The following CLNK variants were observed in gnomAD, a reference collection of about 807,000 sequenced individuals.
The protein encoded by CLNK is cytokine-dependent hematopoietic cell linker.
CLNK carries 74 observed loss-of-function variants against 68.6 expected under a neutral mutation model. The observed-to-expected ratio is 1.08, with a 90% CI of 0.89 to 1.31. The LOEUF (loss-of-function observed/expected upper bound fraction) is 1.31, where lower values mean the gene tolerates loss of function less well. CLNK is among the 50% of genes most tolerant of loss of function. The pLI is 0.00. For synonymous variants in CLNK, 198 were observed against 172.2 expected, an observed-to-expected ratio of 1.15 and a Z score of -1.17; for missense variants, 553 against 515.3, an observed-to-expected ratio of 1.07 and a Z score of -0.71.
At chr4:10,655,291 A>G (rs1334637245) in intron 2 of CLNK, among the ~76,000 whole-genome samples, 1 of 151,050 alleles carries the variant, frequency 6.6e-6, no homozygotes, top group Non-Finnish European at 1.5e-5. Context: ...CTTCTAAGTT[A>G]TCTGTAGATT....
In CLNK at chr4:10,487,614, T is replaced by C. The variant is rs1716395376; in HGVS notation, c.*2853A>G. On this transcript the variant is annotated 3_prime_UTR_variant, in exon 19 of 19. Transcript: ENST00000226951. ...GCGCCTTCTGGATTGGCCACAGCAT[T>C]TGCAGGTCTTTTTTTTTTGTTGTTT... The C allele has an allele frequency of 6.6e-6, 1 of 152,154 alleles. No individual in the cohort carries two copies. Among genetic ancestry groups the C allele is most frequent in the South Asian group, 2.1e-4 (1 of 4,822 alleles). 9.4% of individuals were successfully genotyped at this position (152,154 alleles called of 1,614,324 possible).
At chr4:10,728,489 T>C in the CLNK span, among the ~76,000 whole-genome samples, 1 of 152,024 alleles carries the variant, frequency 6.6e-6, no homozygotes, top group East Asian at 1.9e-4. Context: ...CAAAATCTCT[T>C]GGCTTCCCCT....
chr4:10,604,484 G>T (rs997787581), intron 2 of CLNK, among the ~76,000 whole-genome samples: 1 of 152,110 alleles, frequency 6.6e-6, no homozygotes, highest in African/African-American at 2.4e-5. Flanking sequence ...AGGTTCTGGG[G>T]TCATGATACA....
At chr4:10,606,861 G>C (rs1252267610) in intron 2 of CLNK, among the ~76,000 whole-genome samples, 1 of 152,128 alleles carries the variant, frequency 6.6e-6, no homozygotes, top group Non-Finnish European at 1.5e-5. Context: ...TAAAGCTGTA[G>C]TCATTGGGAA....
At chr4:10,679,403 C>T (rs1362340069) in intron 1 of CLNK, among the ~76,000 whole-genome samples, 1 of 152,114 alleles carries the variant, frequency 6.6e-6, no homozygotes, top group Non-Finnish European at 1.5e-5. Context: ...GACCTAAAAC[C>T]ATAAAAACCC....
At chr4:10,705,529 G>C in the CLNK span, among the ~76,000 whole-genome samples, 27 of 152,140 alleles carry the variant, frequency 1.8e-4, no homozygotes, top group Non-Finnish European at 7.3e-5. Flanking sequence ...TCTAGAGGCT[G>C]CCCTTGTTCC....
At chr4:10,556,772 T>C (rs1304742408) in intron 8 of CLNK, among the ~76,000 whole-genome samples, 1 of 152,092 alleles carries the variant, frequency 6.6e-6, no homozygotes, top group Non-Finnish European at 1.5e-5. Context: ...TGAATTAATG[T>C]GCTGGTTAAA....
At chr4:10,651,672 T>C (rs993964218) in intron 2 of CLNK, among the ~76,000 whole-genome samples, 3 of 152,164 alleles carry the variant, frequency 2.0e-5, no homozygotes, top group Non-Finnish European at 4.4e-5. Flanking sequence ...TTTAAAAGTA[T>C]TGACTGTTTG....
the CLNK span, among the ~76,000 whole-genome samples, chr4:10,707,560 A>C: frequency 6.6e-6 from 1 of 152,170 alleles, no homozygotes; most frequent in Non-Finnish European, 1.5e-5. Context: ...TAATTTATGA[A>C]TGTGCCTATT....
intron 12 of CLNK, 68 bp from the exon 13 acceptor site, chr4:10,528,162 T>A: frequency 1.3e-6 from 1 of 764,410 alleles, no homozygotes. Flanking sequence ...TAACACCATG[T>A]GTGTTTTTAG....
At chr4:10,527,715 G>A (rs149307793) in intron 13 of CLNK, among the ~76,000 whole-genome samples, 87 of 152,290 alleles carry the variant, frequency 5.7e-4, no homozygotes, top group Non-Finnish European at 1.1e-3. Context: ...AAAGAGCCAC[G>A]TGTGTGTGCA....
chr4:10,619,340 C>T (rs190139619), intron 2 of CLNK, among the ~76,000 whole-genome samples: 7 of 152,280 alleles, frequency 4.6e-5, no homozygotes, highest in East Asian at 3.9e-4. Context: ...GTTTTTAAAC[C>T]GGTCAGACTC....
chr4:10,574,011 T>C (rs932527616), intron 4 of CLNK, among the ~76,000 whole-genome samples: 14 of 152,202 alleles, frequency 9.2e-5, no homozygotes, highest in African/African-American at 3.1e-4. Context: ...GACATTTAAA[T>C]ACGAATAGGC....
intron 2 of CLNK, among the ~76,000 whole-genome samples, chr4:10,640,452 C>T (rs553723984): frequency 2.6e-5 from 4 of 152,348 alleles, no homozygotes; most frequent in African/African-American, 9.6e-5. Flanking sequence ...AGGCGTGAGC[C>T]ATTGCACCTG....
intron 15 of CLNK, among the ~76,000 whole-genome samples, chr4:10,515,504 T>C (rs1354453137): frequency 6.6e-6 from 1 of 152,198 alleles, no homozygotes; most frequent in African/African-American, 2.4e-5. Flanking sequence ...TCATCTTTTT[T>C]AACCCAAAGA....
At chr4:10,557,680 G>A (rs946411291) in intron 8 of CLNK, among the ~76,000 whole-genome samples, 2 of 152,168 alleles carry the variant, frequency 1.3e-5, no homozygotes, top group South Asian at 2.1e-4. Context: ...TGAGTGTGCT[G>A]TCTATTCCCT....
At chr4:10,624,593 GTT>G (rs10559473) in intron 2 of CLNK, among the ~76,000 whole-genome samples, 27,505 of 122,780 alleles carry the variant, frequency 0.22, 2,949 homozygotes, top group South Asian at 0.27. Flanking sequence ...CGCCCGGCCA[GTT>G]TTTTTTTTTT....
chr4:10,717,277 T>C, the CLNK span, among the ~76,000 whole-genome samples: 3 of 152,112 alleles, frequency 2.0e-5, no homozygotes, highest in East Asian at 3.9e-4. Context: ...TCCCTCCTCA[T>C]TGGGGTAGTA....
intron 6 of CLNK, 128 bp from the exon 7 acceptor site, chr4:10,564,905 T>A: frequency 1.5e-6 from 1 of 666,478 alleles, no homozygotes; most frequent in Non-Finnish European, 2.7e-6. Flanking sequence ...CAATTCTGCT[T>A]TCATTTAACA....
Sources: allele counts gnomAD v4.1 joint callset (sites outside exome capture counted in the v4.1 genomes callset), GRCh38; gene constraint gnomAD v4.1.1; transcripts MANE v1.5; gene names NCBI Gene and HGNC (gene_info 2026-07-23, HGNC 2026-07-21).